Variants in KIF6 observed in about 807,000 individuals in gnomAD.
KIF6 encodes kinesin family member 6.
KIF6 carries 106 observed loss-of-function variants against 112.7 expected under a neutral mutation model. The observed-to-expected ratio is 0.94, with a 90% confidence interval of 0.80 to 1.11. The LOEUF is 1.11. Ranked by LOEUF, KIF6 falls within the 50% of genes least tolerant of loss-of-function variation. The probability of loss-of-function intolerance (pLI) is 0.00; values close to 1 mark genes in which losing one functional copy is unlikely to be tolerated. For synonymous variants in KIF6, 339 were observed against 339.9 expected, an observed-to-expected ratio of 1.00 and a Z score of 0.03; for missense variants, 929 against 964.0, an observed-to-expected ratio of 0.96 and a Z score of 0.48.
intron 13 of KIF6, among the ~76,000 whole-genome samples, chr6:39,524,274 G>A (rs552592850): frequency 6.6e-6 from 1 of 152,118 alleles, no homozygotes; most frequent in African/African-American, 2.4e-5. Context: ...ATTTTGTCAT[G>A]AAAACAATGT....
intron 15 of KIF6, among the ~76,000 whole-genome samples, chr6:39,419,151 C>T (rs936009726): frequency 4.0e-5 from 6 of 151,856 alleles, no homozygotes; most frequent in South Asian, 2.1e-4. Context: ...GTCAGGAGTT[C>T]GAGACCAGCC....
chr6:39,401,700 G>A (rs1370858879), intron 15 of KIF6, among the ~76,000 whole-genome samples: 1 of 152,056 alleles, frequency 6.6e-6, no homozygotes, highest in Non-Finnish European at 1.5e-5. Context: ...TCTCGGGGGA[G>A]TGGGTAGTGC....
At chr6:39,604,858 G>A (rs111226782) in intron 6 of KIF6, among the ~76,000 whole-genome samples, 2,372 of 152,048 alleles carry the variant, frequency 0.016, 29 homozygotes, top group Non-Finnish European at 0.024. Flanking sequence ...TCTATTGGCC[G>A]ACTCAAAAAT....
chr6:39,470,812 G>T (rs1774080230), intron 13 of KIF6, among the ~76,000 whole-genome samples: 1 of 146,414 alleles, frequency 6.8e-6, no homozygotes, highest in Non-Finnish European at 1.5e-5. Context: ...CACTCCAAGG[G>T]AGTAATAAGC....
chr6:39,402,258 G>A (rs992195690), intron 15 of KIF6, among the ~76,000 whole-genome samples: 11 of 152,098 alleles, frequency 7.2e-5, no homozygotes, highest in African/African-American at 2.4e-4. Context: ...AACCAACCCT[G>A]GCAGAGGTGC....
rs1256647662 is a variant in KIF6 at position 39,330,116 on chromosome 6, A to T, written c.*6416T>A. 6.6e-6 allele frequency: 1 copy of T among 152,190 alleles called. No individual in the cohort carries two copies. The highest frequency in any genetic ancestry group is 1.5e-5 in the Non-Finnish European group (1 of 68,028). The allele number at this position is 152,190 out of a possible 1,614,324, so 9.4% of individuals were successfully genotyped here. On this transcript the variant is annotated 3_prime_UTR_variant, in exon 23 of 23. Transcript: ENST00000287152. ...GGCCCAATCCCAGGTAGTGCCATAAAAGAAATGCCACACCAGCCAGCGGGA... is the reference window on the plus strand; with the variant it reads ...GGCCCAATCCCAGGTAGTGCCATAATAGAAATGCCACACCAGCCAGCGGGA...
At chr6:39,705,414 C>T (rs1053253248) in intron 3 of KIF6, among the ~76,000 whole-genome samples, 9 of 152,154 alleles carry the variant, frequency 5.9e-5, no homozygotes, top group African/African-American at 2.2e-4. Context: ...AGGAAGGAAA[C>T]AGAAATAAAA....
intron 13 of KIF6, among the ~76,000 whole-genome samples, chr6:39,449,691 G>A (rs1383045237): frequency 6.6e-6 from 1 of 152,178 alleles, no homozygotes; most frequent in Non-Finnish European, 1.5e-5. Context: ...CTCCAGTACA[G>A]TAGGATGAAA....
chr6:39,639,159 G>T (rs1335976976), intron 4 of KIF6, among the ~76,000 whole-genome samples: 1 of 152,018 alleles, frequency 6.6e-6, no homozygotes, highest in Non-Finnish European at 1.5e-5. Flanking sequence ...TTTTTACAAT[G>T]GTAATAATTA....
chr6:39,598,577 A>ATGTGTGTGTGTGTGTGTGTG (rs70984133), intron 6 of KIF6, among the ~76,000 whole-genome samples: 2 of 147,860 alleles, frequency 1.4e-5, no homozygotes, highest in Non-Finnish European at 3.0e-5. Flanking sequence ...ATACATATAT[A>ATGTGTGTGTGTGTGTGTGTG]TGTGTGTGTG....
intron 13 of KIF6, among the ~76,000 whole-genome samples, chr6:39,440,658 G>A (rs980359793): frequency 6.6e-6 from 1 of 152,246 alleles, no homozygotes; most frequent in Middle Eastern, 3.4e-3. Context: ...GTCCCTGAGT[G>A]TGTGGAGAAG....
At chr6:39,637,872 A>C (rs1275219091) in intron 4 of KIF6, among the ~76,000 whole-genome samples, 1 of 152,066 alleles carries the variant, frequency 6.6e-6, no homozygotes, top group Non-Finnish European at 1.5e-5. Context: ...GAAGTTATTT[A>C]GGATCATTCA....
Position 39,613,199 on chromosome 6 carries a change from A to T in KIF6, c.629T>A (p.Met210Lys), listed in dbSNP as rs774707567. 2.5e-6 allele frequency: 4 copies of T among 1,594,038 alleles called. No individual in the cohort carries two copies. Among genetic ancestry groups the T allele is most frequent in the Non-Finnish European group, 3.4e-6 (4 of 1,171,940 alleles). ...NLLFLGDTNRMIAETPMNQAS... is the reference protein window; with the variant it reads ...NLLFLGDTNRKIAETPMNQAS... ...AGAGAAGTTTATTACCTCTGCAATC[A>T]TTCGGTTGGTGTCTCCTAAAAAAAG... Residue 210 changes from methionine (M) to lysine (K), a missense_variant, in exon 6 of 23, where the codon ATG becomes AAG. This residue lies in a region of KIF6 where 688 missense variants were observed against 662.7 expected (regional missense o/e 1.04). Transcript: ENST00000287152.
chr6:39,542,354 T>C (rs190767567), intron 12 of KIF6, among the ~76,000 whole-genome samples: 17 of 152,224 alleles, frequency 1.1e-4, no homozygotes, highest in Admixed American at 5.9e-4. Context: ...GTCATATATT[T>C]TGTGAAGGGG....
chr6:39,386,349 G>A (rs1422059728), intron 15 of KIF6, among the ~76,000 whole-genome samples: 1 of 152,128 alleles, frequency 6.6e-6, no homozygotes, highest in Non-Finnish European at 1.5e-5. Context: ...TGAGGGGTCT[G>A]AAACCATGCC....
intron 14 of KIF6, among the ~76,000 whole-genome samples, chr6:39,422,978 G>C (rs1044140985): frequency 6.6e-6 from 1 of 152,212 alleles, no homozygotes; most frequent in Admixed American, 6.5e-5. Context: ...TGCACCTTGA[G>C]GAGGGGCAGG....
At chr6:39,720,563 A>G (rs1270424872) in intron 2 of KIF6, 139 bp downstream of exon 2, 2 of 563,702 alleles carry the variant, frequency 3.5e-6, no homozygotes, top group Middle Eastern at 4.5e-4. Flanking sequence ...ACTTGAGTTC[A>G]GTCTACTAGG....
chr6:39,366,646 A>G (rs1417807894), intron 16 of KIF6, among the ~76,000 whole-genome samples: 2 of 152,200 alleles, frequency 1.3e-5, no homozygotes, highest in African/African-American at 4.8e-5. Flanking sequence ...AAATCGGGGC[A>G]CAGAATGTGC....
chr6:39,534,352 C>T (rs991061582), intron 13 of KIF6, among the ~76,000 whole-genome samples: 1 of 152,126 alleles, frequency 6.6e-6, no homozygotes, highest in Admixed American at 6.5e-5. Flanking sequence ...ATAACCAATA[C>T]AGAGAAGTGC....
Sources: allele counts gnomAD v4.1 joint callset (sites outside exome capture counted in the v4.1 genomes callset), GRCh38; gene constraint gnomAD v4.1.1; regional missense constraint gnomAD v4.1.1; transcripts MANE v1.5; gene names NCBI Gene and HGNC (gene_info 2026-07-23, HGNC 2026-07-21).